KCNIP1: variants seen among roughly 807,000 people sequenced by gnomAD.
KCNIP1 encodes the protein potassium voltage-gated channel interacting protein 1, also known as A-type potassium channel modulatory protein KCNIP1.
In KCNIP1, 18 loss-of-function variants were observed where a neutral mutation model predicts 33.0. The observed-to-expected ratio is 0.55, with a 90% confidence interval of 0.38 to 0.81. The LOEUF (loss-of-function observed/expected upper bound fraction) is 0.81. Ranked by LOEUF, KCNIP1 falls within the 30% of genes least tolerant of loss-of-function variation. The pLI is 0.00. For missense variants in KCNIP1, 238 were observed against 271.6 expected, an observed-to-expected ratio of 0.88 and a Z score of 0.87; for synonymous variants, 93 against 98.3, an observed-to-expected ratio of 0.95 and a Z score of 0.32.
At chr5:170,365,336 C>T (rs927797228) in intron 1 of KCNIP1, among the ~76,000 whole-genome samples, 1 of 152,204 alleles carries the variant, frequency 6.6e-6, no homozygotes, top group South Asian at 2.1e-4. Flanking sequence ...TTTCCACGTC[C>T]GTCTGTCCAT....
At chr5:170,383,434 G>A in intron 1 of KCNIP1, 1 of 609,758 alleles carries the variant, frequency 1.6e-6, no homozygotes, top group Non-Finnish European at 2.9e-6. Context: ...TTACAAGGGT[G>A]GAAACTGAGG....
At chr5:170,427,671 G>T (rs1755644562) in intron 1 of KCNIP1, among the ~76,000 whole-genome samples, 1 of 152,244 alleles carries the variant, frequency 6.6e-6, no homozygotes, top group African/African-American at 2.4e-5. Context: ...TTGCCGGCCT[G>T]CTGCTGGGCC....
chr5:170,500,156 G>A (rs962754220), upstream of KCNIP1, among the ~76,000 whole-genome samples: 3 of 152,138 alleles, frequency 2.0e-5, no homozygotes, highest in Admixed American at 6.5e-5. Flanking sequence ...ATCTTTGTGC[G>A]TGGGGGGTCT....
At chr5:170,374,889 C>A (rs1304668969) in intron 1 of KCNIP1, 1 of 152,144 alleles carries the variant, frequency 6.6e-6, no homozygotes, top group Admixed American at 6.5e-5. Context: ...CTATCTCAAG[C>A]AAATGAAGGT....
intron 1 of KCNIP1, among the ~76,000 whole-genome samples, chr5:170,360,339 G>A (rs1023948576): frequency 1.3e-5 from 2 of 152,230 alleles, no homozygotes; most frequent in Non-Finnish European, 2.9e-5. Context: ...CTCCAACCCT[G>A]CCATGCACCA....
chr5:170,355,647 G>A (rs1311812220), intron 1 of KCNIP1, among the ~76,000 whole-genome samples: 3 of 152,240 alleles, frequency 2.0e-5, no homozygotes, highest in Admixed American at 6.5e-5. Flanking sequence ...AAGCTGAGAT[G>A]AGGAGAGGCA....
chr5:170,498,513 C>T (rs1244462505), intron 1 of KCNIP1, among the ~76,000 whole-genome samples: 2 of 152,142 alleles, frequency 1.3e-5, no homozygotes, highest in Non-Finnish European at 2.9e-5. Flanking sequence ...CCTGAACTTA[C>T]TGCACCACTC....
At chr5:170,601,186 C>A (rs1426273569) in intron 1 of KCNIP1, among the ~76,000 whole-genome samples, 1 of 152,248 alleles carries the variant, frequency 6.6e-6, no homozygotes, top group Non-Finnish European at 1.5e-5. Flanking sequence ...GGCTGCAGTG[C>A]CTTTTAAATA....
chr5:170,553,188 G>C (rs1247334412), intron 1 of KCNIP1, among the ~76,000 whole-genome samples: 1 of 152,222 alleles, frequency 6.6e-6, no homozygotes, highest in African/African-American at 2.4e-5. Context: ...CCCCATGAGG[G>C]ACACCTCTGT....
intron 1 of KCNIP1, among the ~76,000 whole-genome samples, chr5:170,578,244 A>G (rs762699520): frequency 6.6e-6 from 1 of 152,184 alleles, no homozygotes. Context: ...GACTGAGAAC[A>G]GTGGAAAGGC....
chr5:170,673,857 G>A (rs1049540346), intron 1 of KCNIP1, among the ~76,000 whole-genome samples: 13 of 152,026 alleles, frequency 8.6e-5, no homozygotes, highest in African/African-American at 7.2e-5. Flanking sequence ...GGTGGTGGGC[G>A]GAGGTGGGGA....
In KCNIP1 at chr5:170,445,858, CA is replaced by C. The variant is rs374729349; in HGVS notation, c.88+91896del. Among the ~76,000 whole-genome samples, 833 of 152,336 alleles carry C rather than the reference CA, an allele frequency of 5.5e-3. 7 individuals carry two copies. Among genetic ancestry groups the C allele is most frequent in the African/African-American group, 0.019 (780 of 41,570 alleles). ...GCTGCATTGGGCAACATTGTTCCTTCAATCCTAACTCTTTAATCCTAATTCA... is the reference window on the plus strand; with the variant it reads ...GCTGCATTGGGCAACATTGTTCCTTCATCCTAACTCTTTAATCCTAATTCA... On this transcript the variant is annotated intron_variant, in intron 1 of 7. Coordinates refer to the KCNIP1 transcript ENST00000377360.
chr5:170,505,320 C>G (rs1435129420), intron 1 of KCNIP1, among the ~76,000 whole-genome samples: 7 of 152,160 alleles, frequency 4.6e-5, no homozygotes, highest in Non-Finnish European at 1.0e-4. Flanking sequence ...GCTGATCTCA[C>G]CATCCGTGGG....
At chr5:170,565,648 A>T (rs1409035377) in intron 1 of KCNIP1, among the ~76,000 whole-genome samples, 1 of 152,220 alleles carries the variant, frequency 6.6e-6, no homozygotes, top group African/African-American at 2.4e-5. Flanking sequence ...CATTAATTTT[A>T]TATAAGAAGC....
intron 1 of KCNIP1, among the ~76,000 whole-genome samples, chr5:170,715,096 C>A (rs1490792028): frequency 6.6e-6 from 1 of 152,050 alleles, no homozygotes; most frequent in East Asian, 1.9e-4. Flanking sequence ...TTTTATTGTA[C>A]CTTCTCTAAA....
chr5:170,624,193 C>A (rs1257797020), intron 1 of KCNIP1, among the ~76,000 whole-genome samples: 1 of 152,204 alleles, frequency 6.6e-6, no homozygotes, highest in Non-Finnish European at 1.5e-5. Flanking sequence ...CATTTGAGCA[C>A]CTATTTTGTT....
At chr5:170,463,583 A>T (rs953496410) in intron 1 of KCNIP1, among the ~76,000 whole-genome samples, 3 of 152,210 alleles carry the variant, frequency 2.0e-5, no homozygotes, top group African/African-American at 7.2e-5. Flanking sequence ...TGATCATCTT[A>T]TTAGACACAG....
chr5:170,713,889 T>G (rs898646447), intron 1 of KCNIP1, among the ~76,000 whole-genome samples: 4 of 151,940 alleles, frequency 2.6e-5, no homozygotes, highest in African/African-American at 9.7e-5. Flanking sequence ...CCGGGCATGG[T>G]GGGGCACACC....
At chr5:170,481,478 C>T (rs1756975460) in intron 1 of KCNIP1, among the ~76,000 whole-genome samples, 1 of 152,122 alleles carries the variant, frequency 6.6e-6, no homozygotes, top group African/African-American at 2.4e-5. Context: ...CATTAGTGTT[C>T]CCAGTTTAGC....
Sources: gnomAD v4.1 joint callset for allele counts (sites outside exome capture counted in the v4.1 genomes callset) on GRCh38, gnomAD v4.1.1 for gene constraint, MANE v1.5 for transcripts, NCBI Gene and HGNC (gene_info 2026-07-23, HGNC 2026-07-21) for gene names.